AKT3: variants seen among roughly 807,000 people sequenced by gnomAD.
The protein encoded by AKT3 is RAC-gamma serine/threonine-protein kinase.
AKT3 carries 15 observed loss-of-function variants against 65.3 expected under a neutral mutation model. The observed-to-expected ratio is 0.23, with a 90% CI of 0.15 to 0.35. AKT3 has a LOEUF of 0.35. AKT3 is among the 10% of genes least tolerant of loss of function. The pLI, the probability that AKT3 is intolerant of heterozygous loss-of-function variation, is 1.00. For synonymous variants in AKT3, 206 were observed against 183.8 expected (o/e 1.12, Z -0.98); for missense variants, 243 against 576.5 (o/e 0.42, Z 5.92).
chr1:243,658,046 G>C (rs561649453), intron 4 of AKT3, among the ~76,000 whole-genome samples: 12 of 152,102 alleles, frequency 7.9e-5, no homozygotes, highest in Non-Finnish European at 1.8e-4. Context: ...CAGGAGAAAA[G>C]CTTCATAATT....
At chr1:243,625,663 G>A (rs1679105730) in intron 6 of AKT3, among the ~76,000 whole-genome samples, 1 of 152,138 alleles carries the variant, frequency 6.6e-6, no homozygotes, top group Non-Finnish European at 1.5e-5. Flanking sequence ...CTGGAAGCAG[G>A]GGTTATGTGT....
chr1:243,846,506 T>C (rs1695529346), intron 1 of AKT3, among the ~76,000 whole-genome samples: 1 of 152,110 alleles, frequency 6.6e-6, no homozygotes, highest in Non-Finnish European at 1.5e-5. Flanking sequence ...AAAAAACACA[T>C]CAACAAGTCA....
intron 6 of AKT3, 94 bp downstream of exon 6, chr1:243,637,517 G>A: frequency 1.8e-6 from 2 of 1,105,334 alleles, no homozygotes; most frequent in South Asian, 2.1e-5. Flanking sequence ...TTGTTTAATG[G>A]AATTTGCATA....
intron 3 of AKT3, among the ~76,000 whole-genome samples, chr1:243,681,971 T>C (rs1460499250): frequency 6.6e-6 from 1 of 152,134 alleles, no homozygotes; most frequent in Non-Finnish European, 1.5e-5. Context: ...ATTTCCGATG[T>C]ATTAATTATA....
chr1:243,505,419 A>G (rs1669602320), intron 13 of AKT3, 85 bp from the exon 14 acceptor site: 3 of 1,187,240 alleles, frequency 2.5e-6, no homozygotes, highest in African/African-American at 1.5e-5. Context: ...AACTCTGAAC[A>G]TAGGAAAGAT....
At chr1:243,796,292 TGA>T (rs1692000781) in intron 2 of AKT3, among the ~76,000 whole-genome samples, 1 of 152,222 alleles carries the variant, frequency 6.6e-6, no homozygotes, top group Non-Finnish European at 1.5e-5. Flanking sequence ...TCAGAAGCCC[TGA>T]GAGAGCTCTT....
chr1:243,572,975 G>C lies in AKT3; in HGVS notation c.770C>G (p.Ser257Cys), dbSNP rs764214500. Reference protein sequence around the residue: ...RTRFYGAEIVSALDYLHSGKI... With the variant: ...RTRFYGAEIVCALDYLHSGKI... ...TCCGGAATGTAGATAGTCCAAGGCA[G>C]AGACAATTTCTGCACCATAGAAACG... The change falls in exon 9 of 14, where the codon TCT becomes TGT. Residue 257 changes from serine to cysteine, a missense_variant. Coordinates refer to ENST00000673466, the MANE Select transcript of AKT3 (RefSeq NM_005465.7). 1 of 1,613,012 alleles carries C rather than the reference G, an allele frequency of 6.2e-7. No individual in the cohort carries two copies.
rs116142505 is a variant in AKT3 at position 243,579,130 on chromosome 1, A to G, written c.697-6082T>C. 7.3e-3 allele frequency among the ~76,000 whole-genome samples: 1,109 copies of G among 152,296 alleles called. 5 individuals are homozygous for G. Among genetic ancestry groups the G allele is most frequent in the Non-Finnish European group, 0.01 (683 of 68,002 alleles). On this transcript the variant is annotated intron_variant, in intron 8 of 13. Transcript: ENST00000673466. ...AAATCAACGATGTTGAGGTTTCTCT[A>G]TGGCTGACTGAGTAGATGCTGATAT...
intron 2 of AKT3, among the ~76,000 whole-genome samples, chr1:243,730,342 T>C (rs1213420619): frequency 6.6e-6 from 1 of 152,162 alleles, no homozygotes; most frequent in African/African-American, 2.4e-5. Flanking sequence ...TTCTCCACCT[T>C]GCTCACCTTC....
chr1:243,777,313 A>G (rs191720473), intron 2 of AKT3, among the ~76,000 whole-genome samples: 1 of 152,320 alleles, frequency 6.6e-6, no homozygotes. Flanking sequence ...CTAATCTGAC[A>G]AGAGGTGGAG....
intron 3 of AKT3, among the ~76,000 whole-genome samples, chr1:243,677,767 T>A (rs983375430): frequency 1.3e-5 from 2 of 152,052 alleles, no homozygotes; most frequent in Non-Finnish European, 2.9e-5. Context: ...TGGAGGATTA[T>A]AAACAAATCA....
At position 243,503,612 on chromosome 1, in the gene AKT3, G is replaced by A. The variant is rs1223501911; in HGVS notation, c.*1637C>T. On this transcript the variant is annotated 3_prime_UTR_variant, in exon 14 of 14. Transcript: ENST00000673466. ...GTTTAATCTGAAGATCATCATTAAT[G>A]AAGGAGAAAGATGAGGTTTGCATAC... 1 of 233,000 alleles carries A rather than the reference G, an allele frequency of 4.3e-6. No individual in the cohort carries two copies. The highest frequency in any genetic ancestry group is 1.8e-4 in the South Asian group (1 of 5,526). 14.4% of individuals were successfully genotyped at this position (233,000 alleles called of 1,614,324 possible).
chr1:243,833,841 C>T (rs1488381362), intron 2 of AKT3, among the ~76,000 whole-genome samples: 1 of 151,726 alleles, frequency 6.6e-6, no homozygotes, highest in Non-Finnish European at 1.5e-5. Context: ...GGGAGGATCG[C>T]TTGAGGCCAG....
intron 8 of AKT3, among the ~76,000 whole-genome samples, chr1:243,576,475 A>C (rs1674952289): frequency 6.6e-6 from 1 of 152,216 alleles, no homozygotes; most frequent in Admixed American, 6.5e-5. Flanking sequence ...ATGATCCTGT[A>C]TCTAGAAAAT....
intron 3 of AKT3, among the ~76,000 whole-genome samples, chr1:243,671,231 C>G (rs1458964550): frequency 6.6e-6 from 1 of 152,104 alleles, no homozygotes; most frequent in East Asian, 1.9e-4. Flanking sequence ...GTGGCCACCA[C>G]CACATCCAGC....
Position 243,510,681 on chromosome 1 carries a change from G to A in AKT3, c.1354+1643C>T, listed in dbSNP as rs181570209. 1.2e-3 allele frequency among the ~76,000 whole-genome samples: 187 copies of A among 152,322 alleles called. 3 individuals carry two copies. Among genetic ancestry groups the A allele is most frequent in the East Asian group, 9.6e-4 (5 of 5,182 alleles). On this transcript the variant is annotated intron_variant, in intron 13 of 13. Coordinates refer to ENST00000673466, the MANE Select transcript of AKT3 (RefSeq NM_005465.7). ...GGTGTGGCTGGAACCCAGGGACAGT[G>A]GGGGAAGATGGAACAGGAAGAGGTC... is the stretch of plus-strand genomic sequence containing the variant.
chr1:243,552,341 T>G, intron 11 of AKT3, among the ~76,000 whole-genome samples: 1 of 143,280 alleles, frequency 7.0e-6, no homozygotes, highest in Non-Finnish European at 1.5e-5. Flanking sequence ...TAACACAGGT[T>G]GCGGGTGGGA....
At chr1:243,730,297 C>A (rs1687469686) in intron 2 of AKT3, among the ~76,000 whole-genome samples, 1 of 152,202 alleles carries the variant, frequency 6.6e-6, no homozygotes, top group South Asian at 2.1e-4. Context: ...CTTTGGGTCT[C>A]CTCTCTGCTG....
chr1:243,836,390 A>G (rs1322288555), intron 2 of AKT3, among the ~76,000 whole-genome samples: 2 of 152,048 alleles, frequency 1.3e-5, no homozygotes, highest in East Asian at 1.9e-4. Context: ...ATATAAAATT[A>G]AAAAGGTAGG....
Sources: gnomAD v4.1 joint callset for allele counts (sites outside exome capture counted in the v4.1 genomes callset) on GRCh38, gnomAD v4.1.1 for gene constraint, MANE v1.5 for transcripts, NCBI Gene and HGNC (gene_info 2026-07-23, HGNC 2026-07-21) for gene names.